VWA8: variants seen among roughly 807,000 people sequenced by gnomAD.
The protein encoded by VWA8 is von Willebrand factor A domain-containing protein 8.
VWA8 carries 221 observed loss-of-function variants against 241.5 expected under a neutral mutation model. The ratio of observed to expected loss-of-function variants is 0.91; its 90% CI spans 0.82 to 1.02. The LOEUF (loss-of-function observed/expected upper bound fraction) is 1.02, where lower values mean the gene tolerates loss of function less well. Ranked by LOEUF, VWA8 falls within the 50% of genes least tolerant of loss-of-function variation. The pLI is 0.00. For missense variants in VWA8, 2,322 were observed against 2,328.7 expected, an observed-to-expected ratio of 1.00 and a Z score of 0.06; for synonymous variants, 852 against 827.1, an observed-to-expected ratio of 1.03 and a Z score of -0.52.
chr13:41,758,006 T>C (rs1032463303), intron 21 of VWA8, among the ~76,000 whole-genome samples: 11 of 151,660 alleles, frequency 7.3e-5, no homozygotes, highest in African/African-American at 2.7e-4. Context: ...TAAAAATGTA[T>C]TGTAAACAAC....
At chr13:41,871,218 AAG>A (rs1415873851) in intron 9 of VWA8, among the ~76,000 whole-genome samples, 4 of 152,248 alleles carry the variant, frequency 2.6e-5, no homozygotes, top group African/African-American at 9.6e-5. Context: ...AGTAGAAAAT[AAG>A]AGTTTGTTAA....
At chr13:41,643,762 G>C (rs2044812403) in intron 37 of VWA8, among the ~76,000 whole-genome samples, 1 of 151,998 alleles carries the variant, frequency 6.6e-6, no homozygotes. Flanking sequence ...CCAACACCAG[G>C]CTCTAAAGAA....
chr13:41,665,799 C>G (rs1032536531), intron 37 of VWA8, among the ~76,000 whole-genome samples: 1 of 152,042 alleles, frequency 6.6e-6, no homozygotes, highest in South Asian at 2.1e-4. Flanking sequence ...TATGGTAACA[C>G]AATTATCCTA....
At chr13:41,634,171 T>G (rs2044742621) in intron 37 of VWA8, among the ~76,000 whole-genome samples, 2 of 152,152 alleles carry the variant, frequency 1.3e-5, no homozygotes, top group South Asian at 4.1e-4. Flanking sequence ...GTGAAGAGAC[T>G]GTAGATTAAC....
chr13:41,891,637 C>T (rs1874852900), intron 4 of VWA8, 50 bp from the exon 5 acceptor site: 3 of 1,594,484 alleles, frequency 1.9e-6, no homozygotes, highest in African/African-American at 1.3e-5. Context: ...AGTTGCAGAG[C>T]TTGGCCTAAC....
intron 18 of VWA8, among the ~76,000 whole-genome samples, chr13:41,784,151 AAAAAC>A (rs1441900447): frequency 1.3e-5 from 2 of 152,092 alleles, no homozygotes; most frequent in Non-Finnish European, 2.9e-5. Context: ...AACTAAAAAA[AAAAAC>A]AAAACAAAAA....
At chr13:41,634,708 G>GAAAAAAA (rs34688799) in intron 37 of VWA8, among the ~76,000 whole-genome samples, 19 of 144,820 alleles carry the variant, frequency 1.3e-4, no homozygotes, top group African/African-American at 4.8e-4. Flanking sequence ...TCTTCAAAGT[G>GAAAAAAA]AAAAAAAAAA....
chr13:41,588,582 G>T (rs2044434843), intron 41 of VWA8, among the ~76,000 whole-genome samples: 2 of 151,966 alleles, frequency 1.3e-5, no homozygotes, highest in Admixed American at 6.6e-5. Context: ...ATCAGCTAGG[G>T]TGGTGCTATG....
chr13:41,611,220 G>A (rs2044585755), intron 39 of VWA8, among the ~76,000 whole-genome samples: 1 of 152,060 alleles, frequency 6.6e-6, no homozygotes, highest in Non-Finnish European at 1.5e-5. Flanking sequence ...TTAACTCTGT[G>A]CATGTGTGTA....
chr13:41,677,016 T>G (rs2045065151), intron 35 of VWA8, among the ~76,000 whole-genome samples: 1 of 152,202 alleles, frequency 6.6e-6, no homozygotes, highest in South Asian at 2.1e-4. Flanking sequence ...TTAAAATTAT[T>G]TTTTCCAGAA....
rs185416365 is a variant in VWA8 at position 41,637,128 on chromosome 13, C to T, written c.4612-22044G>A. ...GACACATGCACAGGTATGTTTATTG[C>T]GGCACTATTCACAATAGCAGACTTG... is the stretch of plus-strand genomic sequence containing the variant. On this transcript the variant is annotated intron_variant, in intron 37 of 44. Coordinates refer to ENST00000379310, the MANE Select transcript of VWA8 (RefSeq NM_015058.2). 7.2e-3 allele frequency among the ~76,000 whole-genome samples: 1,097 copies of T among 151,428 alleles called. 8 individuals are homozygous for T. Among genetic ancestry groups the T allele is most frequent in the Non-Finnish European group, 0.011 (714 of 67,916 alleles).
At chr13:41,679,645 T>C (rs188637511) in intron 35 of VWA8, among the ~76,000 whole-genome samples, 2 of 152,340 alleles carry the variant, frequency 1.3e-5, no homozygotes, top group East Asian at 3.9e-4. Flanking sequence ...TACCTCATTA[T>C]TGTGAAAGCC....
intron 4 of VWA8, among the ~76,000 whole-genome samples, chr13:41,900,033 C>T (rs9590647): frequency 0.016 from 2,375 of 152,254 alleles, 61 homozygotes; most frequent in African/African-American, 0.054. Flanking sequence ...AAAACTGGCT[C>T]ACAGCAGGCT....
At chr13:41,917,187 T>C (rs1876299981) in intron 2 of VWA8, among the ~76,000 whole-genome samples, 1 of 152,140 alleles carries the variant, frequency 6.6e-6, no homozygotes, top group African/African-American at 2.4e-5. Flanking sequence ...TTTTCATACA[T>C]ATAAAAGTTA....
chr13:41,724,660 C>T (rs764587860), intron 24 of VWA8, among the ~76,000 whole-genome samples: 1 of 152,048 alleles, frequency 6.6e-6, no homozygotes, highest in Non-Finnish European at 1.5e-5. Context: ...AGTAGGAAGA[C>T]AGGAGAAAAT....
Position 41,684,948 on chromosome 13 carries a change from A to AT in VWA8, c.4327+98dup, listed in dbSNP as rs2137811287. ...AAACTTGTCGGAATGATCAATTTTT[A>AT]TAAGTATGAAATGATAAAGATAAAT... On this transcript the variant is annotated intron_variant, in intron 35 of 44. Coordinates refer to ENST00000379310, the MANE Select transcript of VWA8 (RefSeq NM_015058.2). 2.8e-6 allele frequency: 3 copies of AT among 1,074,534 alleles called. No homozygotes were observed. The South Asian group carries it at 4.6e-5, about 17-fold the overall frequency. 66.6% of individuals were successfully genotyped at this position (1,074,534 alleles called of 1,614,324 possible).
At chr13:41,845,259 G>A (rs748360166) in intron 12 of VWA8, among the ~76,000 whole-genome samples, 1 of 151,996 alleles carries the variant, frequency 6.6e-6, no homozygotes, top group South Asian at 2.1e-4. Context: ...TCTCACATCA[G>A]TTAGAATGCC....
chr13:41,767,695 C>G (rs1358112950), intron 20 of VWA8, among the ~76,000 whole-genome samples: 1 of 152,198 alleles, frequency 6.6e-6, no homozygotes, highest in African/African-American at 2.4e-5. Flanking sequence ...GTTTGCATGA[C>G]TCTAAAACAC....
intron 21 of VWA8, among the ~76,000 whole-genome samples, chr13:41,738,637 A>T (rs1212641658): frequency 1.3e-5 from 2 of 152,226 alleles, no homozygotes; most frequent in Non-Finnish European, 2.9e-5. Context: ...AGAAAATTGG[A>T]TCTTTTATCT....
Sources: allele counts gnomAD v4.1 joint callset (sites outside exome capture counted in the v4.1 genomes callset), GRCh38; gene constraint gnomAD v4.1.1; transcripts MANE v1.5; gene names NCBI Gene and HGNC (gene_info 2026-07-23, HGNC 2026-07-21).